The following SLC22A3 variants were observed in gnomAD, a reference collection of about 807,000 sequenced individuals.
The protein encoded by SLC22A3 is EMT organic cation transporter 3.
A neutral mutation model predicts 59.1 loss-of-function variants in SLC22A3; 51 were observed. The observed-to-expected ratio is 0.86, with a 90% CI of 0.69 to 1.09. The LOEUF (loss-of-function observed/expected upper bound fraction) is 1.09. SLC22A3 is among the 50% of genes least tolerant of loss of function. The pLI is 0.00. For synonymous variants in SLC22A3, 325 were observed against 292.0 expected (o/e 1.11, Z -1.15); for missense variants, 711 against 726.3 (o/e 0.98, Z 0.24).
At position 160,397,888 on chromosome 6, in the gene SLC22A3, C is replaced by G. The variant is rs1786565941; in HGVS notation, c.430-91C>G. The G allele has an allele frequency of 1.4e-4, 138 of 1,008,418 alleles. 1 individual carries two copies. In the South Asian group the frequency reaches 1.6e-3, roughly 12 times the overall value. 62.5% of individuals were successfully genotyped at this position (1,008,418 alleles called of 1,614,324 possible). A position where few individuals can be genotyped will look rare whatever the true frequency, so the allele number is the denominator to read the frequency against. ...ATTTAAAGAGTATATGAGCAAAAATCTTTACAGATCATTGATCTATACAAA... is the reference window on the plus strand; with the variant it reads ...ATTTAAAGAGTATATGAGCAAAAATGTTTACAGATCATTGATCTATACAAA... On this transcript the variant is annotated intron_variant, in intron 1 of 10. Coordinates refer to ENST00000275300, the MANE Select transcript of SLC22A3 (RefSeq NM_021977.4).
chr6:160,441,564 A>G (rs1788539864), intron 7 of SLC22A3, among the ~76,000 whole-genome samples: 2 of 150,884 alleles, frequency 1.3e-5, no homozygotes, highest in Admixed American at 1.3e-4. Flanking sequence ...TCTTTTCCTT[A>G]CACCTGTGCT....
intron 10 of SLC22A3, among the ~76,000 whole-genome samples, chr6:160,450,589 G>A (rs1456899345): frequency 1.3e-5 from 2 of 152,088 alleles, no homozygotes; most frequent in African/African-American, 4.8e-5. Flanking sequence ...AGATGCATAA[G>A]AAATTATAAA....
intron 1 of SLC22A3, among the ~76,000 whole-genome samples, chr6:160,395,652 GATA>G (rs1339752676): frequency 6.6e-6 from 1 of 152,146 alleles, no homozygotes; most frequent in African/African-American, 2.4e-5. Context: ...AACCAAAATT[GATA>G]ATAAAAATCC....
chr6:160,431,002 C>T (rs1275739046), intron 5 of SLC22A3, among the ~76,000 whole-genome samples: 1 of 152,094 alleles, frequency 6.6e-6, no homozygotes, highest in Non-Finnish European at 1.5e-5. Context: ...GTCCGTACCA[C>T]GGTTGTGGTG....
chr6:160,368,814 G>A (rs1035932513), intron 1 of SLC22A3, among the ~76,000 whole-genome samples: 1 of 152,196 alleles, frequency 6.6e-6, no homozygotes, highest in Admixed American at 6.5e-5. Flanking sequence ...GCAGGTAGCT[G>A]CCATAGTCAC....
rs183868842 is a variant in SLC22A3, at chr6:160,360,519, C to T, written c.429+11671C>T. On this transcript the variant is annotated intron_variant, in intron 1 of 10. Transcript: ENST00000275300. Reference sequence around the variant, plus strand: ...ATTAGTCTATATTGATCTCCCTTTTCATTCTCTCAGTTTCTCTTTATTAAA... The same window carrying T: ...ATTAGTCTATATTGATCTCCCTTTTTATTCTCTCAGTTTCTCTTTATTAAA... Among the ~76,000 whole-genome samples the T allele has an allele frequency of 3.5e-3, 531 of 152,302 alleles. 2 individuals are homozygous for T. The highest frequency in any genetic ancestry group is 5.4e-3 in the Non-Finnish European group (367 of 68,028).
At chr6:160,447,113 A>C (rs1226766258) in intron 9 of SLC22A3, among the ~76,000 whole-genome samples, 1 of 152,226 alleles carries the variant, frequency 6.6e-6, no homozygotes, top group Non-Finnish European at 1.5e-5. Context: ...AAGAGCAGAA[A>C]AAGAAAGGAT....
At chr6:160,365,911 A>G (rs1424288232) in intron 1 of SLC22A3, among the ~76,000 whole-genome samples, 1 of 152,134 alleles carries the variant, frequency 6.6e-6, no homozygotes, top group Non-Finnish European at 1.5e-5. Flanking sequence ...AAAAGGGGGA[A>G]AAGTCTCTTA....
intron 5 of SLC22A3, among the ~76,000 whole-genome samples, chr6:160,414,914 C>T (rs1787410567): frequency 6.6e-6 from 1 of 152,112 alleles, no homozygotes; most frequent in Admixed American, 6.5e-5. Flanking sequence ...CAAATTGCTC[C>T]ATCTTTGGGC....
chr6:160,443,882 T>C (rs543163240), intron 9 of SLC22A3, 140 bp downstream of exon 9: 21 of 449,094 alleles, frequency 4.7e-5, no homozygotes, highest in Non-Finnish European at 6.9e-5. Flanking sequence ...ATAATTATGA[T>C]ATTAATTTCA....
rs961014998 is a variant in SLC22A3, at chr6:160,349,141, C to G, written c.429+293C>G. ...CGAGTTGTAAACGCCTGGCGCACGCCTGCTCAGGAGTCAAAGACCCAGCAC... is the reference window on the plus strand; with the variant it reads ...CGAGTTGTAAACGCCTGGCGCACGCGTGCTCAGGAGTCAAAGACCCAGCAC... On this transcript the variant is annotated intron_variant, in intron 1 of 10. Coordinates refer to ENST00000275300, the MANE Select transcript of SLC22A3 (RefSeq NM_021977.4). 3.3e-6 allele frequency: 3 copies of G among 898,060 alleles called. No homozygotes were observed. In the African/African-American group the frequency reaches 5.4e-5, roughly 16 times the overall value. 55.6% of individuals were successfully genotyped at this position (898,060 alleles called of 1,614,324 possible).
Position 160,401,581 on chromosome 6 carries a change from A to T in SLC22A3, c.533+3499A>T, listed in dbSNP as rs377088854. On this transcript the variant is annotated intron_variant, in intron 2 of 10. Transcript: ENST00000275300. Reference sequence around the variant, plus strand: ...AAAATGATCTAGGTTAGAAATCCAGATCTACATAAAGGAAAGGCATTGGAG... The same window carrying T: ...AAAATGATCTAGGTTAGAAATCCAGTTCTACATAAAGGAAAGGCATTGGAG... 1.4e-4 allele frequency among the ~76,000 whole-genome samples: 21 copies of T among 152,140 alleles called. 1 individual carries two copies. In the South Asian group the frequency reaches 3.7e-3, roughly 27 times the overall value.
chr6:160,381,264 T>C (rs1012377268), intron 1 of SLC22A3, among the ~76,000 whole-genome samples: 6 of 152,204 alleles, frequency 3.9e-5, no homozygotes, highest in South Asian at 2.1e-4. Flanking sequence ...TGCCTGAAGG[T>C]CTTTTATCTG....
intron 9 of SLC22A3, among the ~76,000 whole-genome samples, chr6:160,444,310 G>A (rs1358199988): frequency 3.9e-5 from 6 of 152,100 alleles, no homozygotes; most frequent in Admixed American, 2.0e-4. Context: ...CTATGGTCAC[G>A]CCATTGCACT....
Position 160,407,149 on chromosome 6 carries a change from G to A in SLC22A3, c.642G>A (p.Leu214=), listed in dbSNP as rs1180940188. Residue 214 remains leucine, a synonymous_variant, in exon 3 of 11, where the codon CTG becomes CTA. Coordinates refer to ENST00000275300, the MANE Select transcript of SLC22A3 (RefSeq NM_021977.4). ...NFPVFVIFRF[L]QGVFGKGTWM... is the part of the protein sequence containing the mutation. ...CTGTGTTTGTGATCTTCCGCTTCCT[G>A]CAAGGTGTATTTGGAAAGGGGACGT... 1 of 1,612,186 alleles carries A rather than the reference G, an allele frequency of 6.2e-7. No individual in the cohort carries two copies. The highest frequency in any genetic ancestry group is 1.7e-4 in the Middle Eastern group (1 of 6,046).
intron 1 of SLC22A3, among the ~76,000 whole-genome samples, chr6:160,363,340 A>G (rs1472784848): frequency 3.3e-5 from 5 of 152,196 alleles, no homozygotes; most frequent in Non-Finnish European, 7.3e-5. Flanking sequence ...AGGCCTCATG[A>G]GTCCCACGTG....
intron 2 of SLC22A3, among the ~76,000 whole-genome samples, chr6:160,400,984 G>GA (rs58532600): frequency 0.011 from 898 of 78,436 alleles, 13 homozygotes; most frequent in Non-Finnish European, 0.015. Flanking sequence ...CTCCAAAACT[G>GA]AAAAAAAAAA....
In SLC22A3 at chr6:160,451,076, A is replaced by G; in HGVS notation, c.*20A>G. On this transcript the variant is annotated 3_prime_UTR_variant, in exon 11 of 11. Coordinates refer to ENST00000275300, the MANE Select transcript of SLC22A3 (RefSeq NM_021977.4). ...CTTTGAGGCCCCCGACAAAGACAGA[A>G]AGAAGGAGCTATCCAGGAGCTGATC... is the stretch of plus-strand genomic sequence containing the variant. 2 of 1,582,108 alleles carry G rather than the reference A, an allele frequency of 1.3e-6. No individual in the cohort carries two copies. The highest frequency in any genetic ancestry group is 1.7e-6 in the Non-Finnish European group (2 of 1,161,102).
At chr6:160,444,717 G>A (rs780994565) in intron 9 of SLC22A3, among the ~76,000 whole-genome samples, 18 of 152,160 alleles carry the variant, frequency 1.2e-4, no homozygotes, top group Admixed American at 5.9e-4. Flanking sequence ...CCTTTCTCAC[G>A]CAACCGTTTC....
Sources: allele counts gnomAD v4.1 joint callset (sites outside exome capture counted in the v4.1 genomes callset), GRCh38; gene constraint gnomAD v4.1.1; transcripts MANE v1.5; gene names NCBI Gene and HGNC (gene_info 2026-07-23, HGNC 2026-07-21).